Variants in ZFAND3 observed in about 807,000 individuals in gnomAD.
ZFAND3 encodes AN1-type zinc finger protein 3.
A neutral mutation model predicts 29.6 loss-of-function variants in ZFAND3; 10 were observed. The observed-to-expected ratio is 0.34, with a 90% CI of 0.21 to 0.57. ZFAND3 has a LOEUF of 0.57. Ranked by LOEUF, ZFAND3 falls within the 20% of genes least tolerant of loss-of-function variation. The pLI, the probability that ZFAND3 is intolerant of heterozygous loss-of-function variation, is 0.86. For missense variants in ZFAND3, 230 were observed against 304.5 expected (o/e 0.76, Z 1.82); for synonymous variants, 128 against 112.6 (o/e 1.14, Z -0.87).
intron 1 of ZFAND3, among the ~76,000 whole-genome samples, chr6:37,863,112 T>A (rs2127384726): frequency 6.6e-6 from 1 of 152,332 alleles, no homozygotes; most frequent in Non-Finnish European, 1.5e-5. Flanking sequence ...ATTCCTGCGC[T>A]GACACTTTGA....
chr6:38,006,909 C>T (rs368494170), intron 2 of ZFAND3, among the ~76,000 whole-genome samples: 1 of 152,080 alleles, frequency 6.6e-6, no homozygotes, highest in East Asian at 1.9e-4. Flanking sequence ...AAAAGGGCCA[C>T]AAGTGGTTCC....
At chr6:38,079,701 T>C (rs1183607388) in intron 3 of ZFAND3, among the ~76,000 whole-genome samples, 1 of 152,192 alleles carries the variant, frequency 6.6e-6, no homozygotes. Flanking sequence ...CATGGTGTTA[T>C]GGGAACTTAG....
chr6:37,998,654 T>C (rs1762893803), intron 2 of ZFAND3, among the ~76,000 whole-genome samples: 1 of 152,092 alleles, frequency 6.6e-6, no homozygotes, highest in African/African-American at 2.4e-5. Context: ...GATGAAGTTG[T>C]TTTTCATGGG....
At chr6:37,963,605 A>T (rs962945901) in intron 2 of ZFAND3, among the ~76,000 whole-genome samples, 2 of 152,028 alleles carry the variant, frequency 1.3e-5, no homozygotes, top group African/African-American at 4.8e-5. Context: ...AAAAAAAAAG[A>T]TCCAAATAAA....
chr6:38,153,690 G>T lies in ZFAND3; in HGVS notation c.*1301G>T. ...GGTGGGGAAGGGTGGGGGTGGGCCT[G>T]GTTGCCCCATGTTAGGAAATCACTA... On this transcript the variant is annotated 3_prime_UTR_variant, in exon 6 of 6. Transcript: ENST00000287218. 1 of 985,302 alleles carries T rather than the reference G, an allele frequency of 1.0e-6. No homozygotes were observed. Among genetic ancestry groups the T allele is most frequent in the Middle Eastern group, 5.2e-4 (1 of 1,916 alleles). The allele number at this position is 985,302 out of a possible 1,614,324, so 61.0% of individuals were successfully genotyped here. A position where few individuals can be genotyped will look rare whatever the true frequency, so the allele number is the denominator to read the frequency against.
intron 2 of ZFAND3, among the ~76,000 whole-genome samples, chr6:37,985,679 CA>C (rs199719466): frequency 9.3e-5 from 14 of 150,298 alleles, no homozygotes; most frequent in African/African-American, 3.2e-4. Flanking sequence ...ACCCTGTCTC[CA>C]AAAAAAAATA....
At chr6:38,125,538 C>T (rs1291995898) in intron 5 of ZFAND3, among the ~76,000 whole-genome samples, 1 of 152,202 alleles carries the variant, frequency 6.6e-6, no homozygotes, top group African/African-American at 2.4e-5. Flanking sequence ...CACATCCCCA[C>T]CCATCCCATA....
At chr6:37,829,148 T>A (rs1437404585) in intron 1 of ZFAND3, among the ~76,000 whole-genome samples, 1 of 152,176 alleles carries the variant, frequency 6.6e-6, no homozygotes, top group African/African-American at 2.4e-5. Flanking sequence ...GGAGAACTGT[T>A]CTGTGGACTG....
chr6:37,904,073 G>A (rs971619974), intron 1 of ZFAND3, among the ~76,000 whole-genome samples: 2 of 152,096 alleles, frequency 1.3e-5, no homozygotes, highest in African/African-American at 4.8e-5. Context: ...GCTTTATAAT[G>A]GAAATGCTGA....
chr6:37,890,377 T>C (rs1765073814), intron 1 of ZFAND3, among the ~76,000 whole-genome samples: 2 of 152,192 alleles, frequency 1.3e-5, no homozygotes, highest in African/African-American at 4.8e-5. Flanking sequence ...AATAGAGAGA[T>C]TGCAGGTTGA....
chr6:38,067,441 G>A lies in ZFAND3; in HGVS notation c.295+5666G>A, dbSNP rs529978278. Among the ~76,000 whole-genome samples, 6 of 152,270 alleles carry A rather than the reference G, an allele frequency of 3.9e-5. No homozygotes were observed. The South Asian group carries it at 1.0e-3, about 26-fold the overall frequency. On this transcript the variant is annotated intron_variant, in intron 3 of 5. Transcript: ENST00000287218. Reference sequence around the variant, plus strand: ...GATCACAGAGCACTCTGGCTCCAAGGGCCTGGGTCTCTGCCACCACACCAT... The same window carrying A: ...GATCACAGAGCACTCTGGCTCCAAGAGCCTGGGTCTCTGCCACCACACCAT...
At chr6:38,132,233 T>A (rs1421817735) in intron 5 of ZFAND3, among the ~76,000 whole-genome samples, 2 of 152,170 alleles carry the variant, frequency 1.3e-5, no homozygotes, top group African/African-American at 2.4e-5. Context: ...TTCTGTGGGC[T>A]GGGTGCGGTG....
chr6:37,906,700 G>GT (rs5875602), intron 1 of ZFAND3, among the ~76,000 whole-genome samples: 84,387 of 143,826 alleles, frequency 0.59, 24,829 homozygotes, highest in African/African-American at 0.63. Context: ...CTTACTTTCT[G>GT]TTTTTTTTTT....
chr6:38,101,018 C>A lies in ZFAND3; in HGVS notation c.362-15554C>A, dbSNP rs575713546. 2.0e-5 allele frequency among the ~76,000 whole-genome samples: 3 copies of A among 152,228 alleles called. No homozygotes were observed. The East Asian group carries it at 5.8e-4, about 29-fold the overall frequency. The stretch of plus-strand genomic sequence containing the variant: ...AGCTACAGTACAATTGTCAAAATTG[C>A]GAACTTAACACTGATATAACATATA... On this transcript the variant is annotated intron_variant, in intron 4 of 5. Transcript: ENST00000287218.
chr6:38,116,793 C>A (rs2295791), intron 5 of ZFAND3, 54 bp downstream of exon 5: 786,176 of 1,561,156 alleles, frequency 0.5, 204,965 homozygotes, highest in Non-Finnish European at 0.54. Context: ...CACCTTGGCC[C>A]AGCTTTGGAA....
Position 37,819,925 on chromosome 6 carries a change from G to A in ZFAND3, c.-21G>A. The A allele has an allele frequency of 8.3e-7, 1 of 1,210,224 alleles. No homozygotes were observed. Among genetic ancestry groups the A allele is most frequent in the Non-Finnish European group, 1.0e-6 (1 of 975,656 alleles). The allele number at this position is 1,210,224 out of a possible 1,614,324, so 75.0% of individuals were successfully genotyped here. ...CCGCCGCCACCGCTGCCGCCGCCGA[G>A]CTCCGCCGCCGCCGAGCACCATGGG... On this transcript the variant is annotated 5_prime_UTR_variant, in exon 1 of 6. Coordinates refer to ENST00000287218, the MANE Select transcript of ZFAND3 (RefSeq NM_021943.3).
intron 5 of ZFAND3, among the ~76,000 whole-genome samples, chr6:38,117,206 A>T (rs1765435932): frequency 6.6e-6 from 1 of 151,538 alleles, no homozygotes; most frequent in African/African-American, 2.4e-5. Flanking sequence ...TTGATTAGAA[A>T]ATTACCTTTG....
chr6:37,984,568 T>C (rs950976125), intron 2 of ZFAND3, among the ~76,000 whole-genome samples: 1 of 152,228 alleles, frequency 6.6e-6, no homozygotes, highest in East Asian at 1.9e-4. Flanking sequence ...TCTGAAAACA[T>C]TTAAATTGTA....
At chr6:37,870,156 G>A (rs1764665340) in intron 1 of ZFAND3, among the ~76,000 whole-genome samples, 1 of 151,910 alleles carries the variant, frequency 6.6e-6, no homozygotes, top group Non-Finnish European at 1.5e-5. Context: ...TTAGAAGTGT[G>A]TTGTTAGCTG....
Sources: allele counts gnomAD v4.1 joint callset (sites outside exome capture counted in the v4.1 genomes callset), GRCh38; gene constraint gnomAD v4.1.1; transcripts MANE v1.5; gene names NCBI Gene and HGNC (gene_info 2026-07-23, HGNC 2026-07-21).